GPC6: variants seen among roughly 807,000 people sequenced by gnomAD.
GPC6 encodes glypican-6.
In GPC6, 14 loss-of-function variants were observed where a neutral mutation model predicts 55.2. That is an observed-to-expected ratio of 0.25 (90% CI 0.17 to 0.40). GPC6 has a LOEUF of 0.40. Ranked by LOEUF, GPC6 falls within the 10% of genes least tolerant of loss-of-function variation. The pLI is 1.00. For missense variants in GPC6, 641 were observed against 708.5 expected (o/e 0.90, Z 1.08); for synonymous variants, 278 against 259.6 (o/e 1.07, Z -0.68).
At chr13:93,826,608 TAAC>T (rs752179792) in intron 2 of GPC6, among the ~76,000 whole-genome samples, 1 of 152,224 alleles carries the variant, frequency 6.6e-6, no homozygotes, top group Non-Finnish European at 1.5e-5. Flanking sequence ...TATGTAGTGT[TAAC>T]AAGACATTTC....
At chr13:93,339,999 TCAAAAA>T (rs1298864818) in intron 1 of GPC6, among the ~76,000 whole-genome samples, 2 of 150,194 alleles carry the variant, frequency 1.3e-5, no homozygotes, top group East Asian at 3.9e-4. Flanking sequence ...AATAATCCAT[TCAAAAA>T]CAAAAACAAA....
intron 5 of GPC6, among the ~76,000 whole-genome samples, chr13:94,290,457 A>G (rs1874901243): frequency 6.6e-6 from 1 of 151,578 alleles, no homozygotes. Flanking sequence ...AAAGAAAAAG[A>G]AAAAAAGAAA....
At position 94,403,144 on chromosome 13, in the gene GPC6, C is replaced by A; in HGVS notation, c.1595C>A (p.Ala532Asp). ...CGGAGAGAGGTGGACTCTTCTGCAG[C>A]CCAGCGTGGCCACTCCCTGCTCTCC... ...PDRREVDSSA[A>D]QRGHSLLSWS... Residue 532 changes from alanine to aspartate, a missense_variant, in exon 9 of 9, where the codon GCC (alanine) becomes GAC (aspartate). Physicochemically the swap from Ala to Asp is moderately radical, Grantham distance 126. Transcript: ENST00000377047. 3 of 1,613,716 alleles carry A rather than the reference C, an allele frequency of 1.9e-6. No homozygotes were observed. Among genetic ancestry groups the A allele is most frequent in the Non-Finnish European group, 2.5e-6 (3 of 1,179,594 alleles).
intron 2 of GPC6, among the ~76,000 whole-genome samples, chr13:93,616,924 CATT>C (rs1215591295): frequency 3.3e-5 from 5 of 152,074 alleles, no homozygotes; most frequent in African/African-American, 1.2e-4. Context: ...AATAACACAT[CATT>C]GTCAGGTTTC....
intron 4 of GPC6, among the ~76,000 whole-genome samples, chr13:94,092,716 A>G (rs9561499): frequency 0.33 from 50,848 of 151,962 alleles, 9,476 homozygotes; most frequent in Middle Eastern, 0.45. Flanking sequence ...ACTGTTTTCT[A>G]CAGTGGCTAT....
At chr13:93,322,406 G>C (rs1304683681) in intron 1 of GPC6, among the ~76,000 whole-genome samples, 2 of 139,514 alleles carry the variant, frequency 1.4e-5, no homozygotes, top group Admixed American at 7.1e-5. Context: ...GAAAATCTAA[G>C]TTAATTCTTT....
chr13:93,920,337 T>C (rs759764604), intron 3 of GPC6, among the ~76,000 whole-genome samples: 4 of 152,160 alleles, frequency 2.6e-5, no homozygotes, highest in Non-Finnish European at 5.9e-5. Flanking sequence ...TGTAGTCTCA[T>C]CCAGTTTCTG....
intron 1 of GPC6, among the ~76,000 whole-genome samples, chr13:93,273,801 AT>A (rs1877632395): frequency 6.6e-6 from 1 of 151,780 alleles, no homozygotes; most frequent in East Asian, 1.9e-4. Context: ...TTTATTTTTT[AT>A]TTTTTTATTT....
chr13:94,192,423 A>G (rs1487842081), intron 4 of GPC6, among the ~76,000 whole-genome samples: 2 of 152,188 alleles, frequency 1.3e-5, no homozygotes, highest in Non-Finnish European at 2.9e-5. Context: ...ATGTCATCAG[A>G]AAGATGGAAT....
At chr13:93,871,669 T>A (rs1889137301) in intron 3 of GPC6, among the ~76,000 whole-genome samples, 1 of 151,960 alleles carries the variant, frequency 6.6e-6, no homozygotes, top group Non-Finnish European at 1.5e-5. Flanking sequence ...GAGTTCCACT[T>A]TTTAGTCCAA....
intron 1 of GPC6, among the ~76,000 whole-genome samples, chr13:93,458,288 C>T (rs193125532): frequency 6.6e-6 from 1 of 152,270 alleles, no homozygotes. Context: ...ATTTAACCCT[C>T]CTCCTTGTGA....
intron 7 of GPC6, among the ~76,000 whole-genome samples, chr13:94,384,845 C>G (rs1350719066): frequency 6.6e-6 from 1 of 152,154 alleles, no homozygotes; most frequent in Non-Finnish European, 1.5e-5. Context: ...GTTAGGAGAA[C>G]AAATGAGACA....
intron 2 of GPC6, among the ~76,000 whole-genome samples, chr13:93,739,761 A>C (rs895806549): frequency 1.3e-5 from 2 of 152,188 alleles, no homozygotes; most frequent in African/African-American, 4.8e-5. Flanking sequence ...ATTGTATGTC[A>C]GGCCCTTTTC....
At chr13:94,114,378 G>T (rs933220196) in intron 4 of GPC6, among the ~76,000 whole-genome samples, 1 of 152,096 alleles carries the variant, frequency 6.6e-6, no homozygotes, top group East Asian at 1.9e-4. Context: ...ATCTAATTTG[G>T]TCAGACTGGT....
chr13:93,606,796 C>T (rs1159075427), intron 2 of GPC6, among the ~76,000 whole-genome samples: 1 of 149,962 alleles, frequency 6.7e-6, no homozygotes, highest in African/African-American at 2.5e-5. Context: ...TGCTACTTCT[C>T]TGTAAACAAA....
intron 2 of GPC6, among the ~76,000 whole-genome samples, chr13:93,656,033 A>G (rs1478618304): frequency 6.6e-6 from 1 of 152,210 alleles, no homozygotes; most frequent in Non-Finnish European, 1.5e-5. Context: ...AGCAAGAAGT[A>G]AAATTTTAAA....
At chr13:93,374,447 A>C (rs2139195415) in intron 1 of GPC6, among the ~76,000 whole-genome samples, 1 of 152,274 alleles carries the variant, frequency 6.6e-6, no homozygotes, top group Non-Finnish European at 1.5e-5. Context: ...CTCCTGCAAC[A>C]GAGTCTTTAC....
chr13:94,164,022 A>G (rs1395602794), intron 4 of GPC6, among the ~76,000 whole-genome samples: 1 of 152,230 alleles, frequency 6.6e-6, no homozygotes, highest in Admixed American at 6.5e-5. Context: ...ATTAACTCTT[A>G]TCTATGAGAT....
At chr13:94,057,744 T>A (rs1884180133) in intron 4 of GPC6, among the ~76,000 whole-genome samples, 1 of 152,092 alleles carries the variant, frequency 6.6e-6, no homozygotes, top group Non-Finnish European at 1.5e-5. Flanking sequence ...GAAACAGACT[T>A]ATTGGATGAA....
Sources: allele counts gnomAD v4.1 joint callset (sites outside exome capture counted in the v4.1 genomes callset), GRCh38; gene constraint gnomAD v4.1.1; transcripts MANE v1.5; gene names NCBI Gene and HGNC (gene_info 2026-07-23, HGNC 2026-07-21).